Variants in MYT1L observed in about 807,000 individuals in gnomAD.
MYT1L encodes the protein myelin transcription factor 1 like.
In MYT1L, 12 loss-of-function variants were observed where a neutral mutation model predicts 126.7. That is an observed-to-expected ratio of 0.09 (90% CI 0.06 to 0.15). The LOEUF (loss-of-function observed/expected upper bound fraction) is 0.15, where lower values mean the gene tolerates loss of function less well. Ranked by LOEUF, MYT1L falls within the 10% of genes least tolerant of loss-of-function variation. MYT1L has a pLI of 1.00. For missense variants in MYT1L, 979 were observed against 1,585.2 expected (o/e 0.62, Z 6.49); for synonymous variants, 541 against 604.2 (o/e 0.90, Z 1.53).
intron 21 of MYT1L, among the ~76,000 whole-genome samples, chr2:1,819,572 T>C (rs1281373723): frequency 6.6e-6 from 1 of 152,202 alleles, no homozygotes; most frequent in African/African-American, 2.4e-5. Flanking sequence ...CCTCTCTCCA[T>C]GCACCCGTGA....
At chr2:2,231,920 A>G (rs1272332650) in intron 2 of MYT1L, among the ~76,000 whole-genome samples, 1 of 152,214 alleles carries the variant, frequency 6.6e-6, no homozygotes, top group Non-Finnish European at 1.5e-5. Flanking sequence ...CTTAAAAGTC[A>G]TCAGAACAAG....
intron 9 of MYT1L, among the ~76,000 whole-genome samples, chr2:1,942,687 C>T (rs2056788421): frequency 6.6e-6 from 1 of 152,158 alleles, no homozygotes; most frequent in African/African-American, 2.4e-5. Context: ...GCTAACTTAA[C>T]TTCCTTGATA....
At chr2:2,238,123 G>C (rs2094362709) in intron 2 of MYT1L, among the ~76,000 whole-genome samples, 1 of 152,182 alleles carries the variant, frequency 6.6e-6, no homozygotes, top group African/African-American at 2.4e-5. Context: ...TGAATGCTTA[G>C]ATTTTTCTCA....
At chr2:2,284,687 A>G (rs536820859) in intron 1 of MYT1L, among the ~76,000 whole-genome samples, 184 bp from the exon 2 acceptor site, 1 of 152,244 alleles carries the variant, frequency 6.6e-6, no homozygotes, top group African/African-American at 2.4e-5. Context: ...AGACACTCCT[A>G]CTGTGTCTCC....
At position 1,912,797 on chromosome 2, in the gene MYT1L, C is replaced by T. The variant is rs1048529406; in HGVS notation, c.1619-687G>A. Among the ~76,000 whole-genome samples the T allele has an allele frequency of 2.6e-5, 4 of 152,164 alleles. No individual in the cohort carries two copies. The highest frequency in any genetic ancestry group is 7.2e-5 in the African/African-American group (3 of 41,430). On this transcript the variant is annotated intron_variant, in intron 11 of 24. Coordinates refer to ENST00000647738, the MANE Select transcript of MYT1L (RefSeq NM_001303052.2). This position sits in a 1 kb window ranked among gnomAD's most constrained non-coding sequence, Gnocchi z 4.3. ...GGACACCTTTTGTGGTGCAAGGATG[C>T]TACTGGCTGGTCGGCAGGGGAGAGC...
intron 8 of MYT1L, among the ~76,000 whole-genome samples, chr2:1,963,520 C>T (rs1255631475): frequency 1.3e-5 from 2 of 152,198 alleles, no homozygotes; most frequent in South Asian, 2.1e-4. Flanking sequence ...CTATGGAATT[C>T]CTAGATGCCA....
chr2:1,803,572 G>A (rs1175323185), intron 22 of MYT1L, among the ~76,000 whole-genome samples: 2 of 152,322 alleles, frequency 1.3e-5, no homozygotes, highest in Non-Finnish European at 1.5e-5. Context: ...GTCTTGATAC[G>A]GGTCCCATGA....
chr2:2,313,095 A>G (rs937174288), intron 1 of MYT1L, among the ~76,000 whole-genome samples: 17 of 152,324 alleles, frequency 1.1e-4, no homozygotes, highest in East Asian at 5.8e-4. Flanking sequence ...TTTTCAGAAT[A>G]TATATGACTG....
In MYT1L at chr2:2,307,269, G is replaced by C. The variant is rs186345234; in HGVS notation, c.-520-22766C>G. ...TCTGGTATTGTTTGAGCAGAAAAAC[G>C]CCAAAGCTGTACTTTGCAATAATTG... is the stretch of plus-strand genomic sequence containing the variant. On this transcript the variant is annotated intron_variant, in intron 1 of 24. Coordinates refer to ENST00000647738, the MANE Select transcript of MYT1L (RefSeq NM_001303052.2). Among the ~76,000 whole-genome samples, 4 of 152,226 alleles carry C rather than the reference G, an allele frequency of 2.6e-5. No individual in the cohort carries two copies. The East Asian group carries it at 7.7e-4, about 29-fold the overall frequency.
chr2:2,004,540 TG>T (rs2062930344), intron 4 of MYT1L, among the ~76,000 whole-genome samples: 1 of 150,886 alleles, frequency 6.6e-6, no homozygotes, highest in African/African-American at 2.5e-5. Flanking sequence ...CGTTCTTTCC[TG>T]CATGCGTTCT....
rs534953709 is a variant in MYT1L at position 2,116,851 on chromosome 2, G to A, written c.-304+56021C>T. On this transcript the variant is annotated intron_variant, in intron 3 of 24. Transcript: ENST00000647738. ...CAACCCTCACCTGGCTCCACTTCAA[G>A]GCCCGGGGGCCAGACCTGAGCACTG... Among the ~76,000 whole-genome samples, 3 of 152,340 alleles carry A rather than the reference G, an allele frequency of 2.0e-5. No homozygotes were observed. In the South Asian group the frequency reaches 6.2e-4, roughly 32 times the overall value.
At chr2:1,959,416 G>A (rs987627225) in intron 8 of MYT1L, among the ~76,000 whole-genome samples, 4 of 152,196 alleles carry the variant, frequency 2.6e-5, no homozygotes, top group Non-Finnish European at 4.4e-5. Flanking sequence ...TAGAGACAGG[G>A]CTGTGACTTC....
At chr2:2,209,263 C>T (rs1330702131) in intron 2 of MYT1L, among the ~76,000 whole-genome samples, 1 of 152,130 alleles carries the variant, frequency 6.6e-6, no homozygotes, top group Non-Finnish European at 1.5e-5. Flanking sequence ...TCCAATCATA[C>T]TCTTTTAGCT....
chr2:1,867,902 A>G (rs932829046), intron 18 of MYT1L, among the ~76,000 whole-genome samples: 2 of 152,164 alleles, frequency 1.3e-5, no homozygotes, highest in Non-Finnish European at 2.9e-5. Flanking sequence ...ACTGTGGCAA[A>G]TTTCATGTTA....
chr2:1,924,362 A>G (rs2053952120), intron 9 of MYT1L, among the ~76,000 whole-genome samples: 1 of 152,184 alleles, frequency 6.6e-6, no homozygotes, highest in African/African-American at 2.4e-5. Flanking sequence ...GTACCCTTAG[A>G]TTAGATTTGG....
intron 8 of MYT1L, among the ~76,000 whole-genome samples, chr2:1,946,448 A>T (rs532921214): frequency 6.6e-6 from 1 of 152,282 alleles, no homozygotes; most frequent in East Asian, 1.9e-4. Context: ...GCTGCCCAGG[A>T]AGACACAAGC....
At chr2:2,273,435 T>C (rs1314680874) in intron 2 of MYT1L, among the ~76,000 whole-genome samples, 2 of 152,216 alleles carry the variant, frequency 1.3e-5, no homozygotes, top group Non-Finnish European at 2.9e-5. Context: ...ACTGGGGCTA[T>C]GGTTTGGTAG....
chr2:2,256,619 T>C (rs1572893270), intron 2 of MYT1L, among the ~76,000 whole-genome samples: 1 of 152,350 alleles, frequency 6.6e-6, no homozygotes, highest in East Asian at 1.9e-4. Flanking sequence ...CTTTAGAACA[T>C]TGTGCAGAGG....
At chr2:2,234,582 G>A (rs1404487923) in intron 2 of MYT1L, among the ~76,000 whole-genome samples, 6 of 152,188 alleles carry the variant, frequency 3.9e-5, no homozygotes, top group Non-Finnish European at 5.9e-5. Flanking sequence ...TGGCAACGCT[G>A]CTTTGCCTTG....
Sources: allele counts gnomAD v4.1 joint callset (sites outside exome capture counted in the v4.1 genomes callset), GRCh38; gene constraint gnomAD v4.1.1; non-coding constraint Gnocchi (gnomAD v3.1); transcripts MANE v1.5; gene names NCBI Gene and HGNC (gene_info 2026-07-23, HGNC 2026-07-21).